XPR1: variants seen among roughly 807,000 people sequenced by gnomAD.
XPR1 encodes xenotropic and polytropic retrovirus receptor 1.
Under a neutral mutation model 87.5 loss-of-function variants are expected in XPR1, and 28 were observed. The ratio of observed to expected loss-of-function variants is 0.32; its 90% CI spans 0.24 to 0.44. The LOEUF (loss-of-function observed/expected upper bound fraction) is 0.44, where lower values mean the gene tolerates loss of function less well. XPR1 is among the 20% of genes least tolerant of loss of function. The pLI, the probability that XPR1 is intolerant of heterozygous loss-of-function variation, is 1.00. For missense variants in XPR1, 559 were observed against 862.3 expected, an observed-to-expected ratio of 0.65 and a Z score of 4.41; for synonymous variants, 300 against 306.1, an observed-to-expected ratio of 0.98 and a Z score of 0.21.
chr1:180,813,146 T>TA (rs1308480700), intron 7 of XPR1, among the ~76,000 whole-genome samples: 4 of 151,956 alleles, frequency 2.6e-5, no homozygotes, highest in Middle Eastern at 3.2e-3. Context: ...TGCAAGAACT[T>TA]ACAGGATCTC....
At chr1:180,742,092 T>G (rs1169628356) in intron 2 of XPR1, among the ~76,000 whole-genome samples, 1 of 152,140 alleles carries the variant, frequency 6.6e-6, no homozygotes, top group East Asian at 1.9e-4. Flanking sequence ...TATATTACTC[T>G]TTCTAAAGAG....
At chr1:180,783,436 A>G (rs1571833978) in intron 2 of XPR1, among the ~76,000 whole-genome samples, 2 of 152,088 alleles carry the variant, frequency 1.3e-5, no homozygotes, top group East Asian at 1.9e-4. Flanking sequence ...GGTTCAAACA[A>G]TTTAATAAGT....
At chr1:180,757,049 T>C (rs1647777573) in intron 2 of XPR1, among the ~76,000 whole-genome samples, 2 of 152,236 alleles carry the variant, frequency 1.3e-5, no homozygotes, top group Admixed American at 6.5e-5. Context: ...TATCATGATA[T>C]TATAGCTTTA....
intron 2 of XPR1, among the ~76,000 whole-genome samples, chr1:180,737,871 T>A (rs1167285154): frequency 6.6e-6 from 1 of 152,208 alleles, no homozygotes; most frequent in Non-Finnish European, 1.5e-5. Flanking sequence ...GTGGGTTGTT[T>A]CCAGTTTTTG....
chr1:180,645,690 C>T (rs1369321067), intron 1 of XPR1, among the ~76,000 whole-genome samples: 1 of 152,208 alleles, frequency 6.6e-6, no homozygotes, highest in Non-Finnish European at 1.5e-5. Flanking sequence ...CCTCACAGAG[C>T]TGTGCAAACA....
rs548175050 is a variant in XPR1, at chr1:180,632,163, G to C, written c.-39G>C. 3.8e-6 allele frequency: 6 copies of C among 1,587,922 alleles called. No individual in the cohort carries two copies. The Admixed American group carries it at 1.1e-4, about 28-fold the overall frequency. ...GTCGCTGTTGCCGCCGCCGCCTGTAGCTGCTGGACCCGAGTGGGAGTGAGG... is the reference window on the plus strand; with the variant it reads ...GTCGCTGTTGCCGCCGCCGCCTGTACCTGCTGGACCCGAGTGGGAGTGAGG... On this transcript the variant is annotated 5_prime_UTR_variant, in exon 1 of 15. Coordinates refer to ENST00000367590, the MANE Select transcript of XPR1 (RefSeq NM_004736.4).
intron 9 of XPR1, among the ~76,000 whole-genome samples, chr1:180,831,188 A>G (rs940921253): frequency 1.3e-5 from 2 of 152,122 alleles, no homozygotes; most frequent in Admixed American, 6.6e-5. Context: ...CTGTAAGCAA[A>G]GAAGAGTTTT....
intron 2 of XPR1, among the ~76,000 whole-genome samples, chr1:180,758,146 C>CACACACACACACACACACACACAG: frequency 6.6e-6 from 1 of 150,862 alleles, no homozygotes; most frequent in Non-Finnish European, 1.5e-5. Flanking sequence ...CACACACACA[C>CACACACACACACACACACACACAG]ATTATTCAGC....
intron 9 of XPR1, among the ~76,000 whole-genome samples, chr1:180,826,709 T>C (rs2102154630): frequency 6.6e-6 from 1 of 152,346 alleles, no homozygotes; most frequent in South Asian, 2.1e-4. Context: ...TTCTCACCTC[T>C]TTTTCACTTT....
chr1:180,676,921 TGTG>T (rs1253089343), intron 1 of XPR1, among the ~76,000 whole-genome samples: 3 of 152,176 alleles, frequency 2.0e-5, no homozygotes, highest in Admixed American at 2.0e-4. Context: ...TAATCTGTGG[TGTG>T]GTGTTTTTTG....
intron 2 of XPR1, among the ~76,000 whole-genome samples, chr1:180,779,291 T>C (rs978619058): frequency 1.1e-4 from 17 of 151,434 alleles, no homozygotes; most frequent in African/African-American, 4.1e-4. Flanking sequence ...GATTTCTTTC[T>C]GTCTCAGTCA....
intron 2 of XPR1, among the ~76,000 whole-genome samples, chr1:180,707,035 T>C (rs1013105417): frequency 2.0e-5 from 3 of 152,176 alleles, no homozygotes; most frequent in African/African-American, 7.2e-5. Context: ...TGTAGAAATA[T>C]GTATTTTAAA....
In XPR1 at chr1:180,637,344, A is replaced by G. The variant is rs1432507377; in HGVS notation, c.69+5074A>G. ...AGTTTTAGCCAAATCAACCGCTAGGAAATAGACATGTCTTAAAAAGACTCC... is the reference window on the plus strand; with the variant it reads ...AGTTTTAGCCAAATCAACCGCTAGGGAATAGACATGTCTTAAAAAGACTCC... On this transcript the variant is annotated intron_variant, in intron 1 of 14. Transcript: ENST00000367590. Among the ~76,000 whole-genome samples, 3 of 152,188 alleles carry G rather than the reference A, an allele frequency of 2.0e-5. No individual in the cohort carries two copies. In the East Asian group the frequency reaches 5.8e-4, roughly 29 times the overall value.
At chr1:180,714,312 G>C (rs940289304) in intron 2 of XPR1, among the ~76,000 whole-genome samples, 4 of 145,546 alleles carry the variant, frequency 2.7e-5, no homozygotes, top group Admixed American at 7.0e-5. Flanking sequence ...TACTGTCTTA[G>C]TCATTTCCTT....
chr1:180,862,605 TATCA>T (rs1053207380), intron 11 of XPR1, among the ~76,000 whole-genome samples: 2 of 152,130 alleles, frequency 1.3e-5, no homozygotes, highest in Non-Finnish European at 2.9e-5. Flanking sequence ...AGCTCAAATT[TATCA>T]ATTTATAATG....
chr1:180,800,431 G>A (rs1475383325), intron 3 of XPR1, among the ~76,000 whole-genome samples: 1 of 152,220 alleles, frequency 6.6e-6, no homozygotes, highest in African/African-American at 2.4e-5. Context: ...ACAGATGAGA[G>A]CCAGCAAGGA....
intron 7 of XPR1, among the ~76,000 whole-genome samples, chr1:180,818,744 A>G (rs906850980): frequency 6.6e-6 from 1 of 152,102 alleles, no homozygotes; most frequent in Non-Finnish European, 1.5e-5. Context: ...GGAATTTTTT[A>G]TGATGATCTT....
At chr1:180,651,280 C>T (rs530432121) in intron 1 of XPR1, among the ~76,000 whole-genome samples, 25 of 152,086 alleles carry the variant, frequency 1.6e-4, no homozygotes, top group Non-Finnish European at 5.9e-5. Context: ...TTAGTAGAGG[C>T]GGGGTTTCAC....
chr1:180,745,577 TG>T (rs1469170517), intron 2 of XPR1, among the ~76,000 whole-genome samples: 1 of 152,146 alleles, frequency 6.6e-6, no homozygotes, highest in Admixed American at 6.5e-5. Context: ...TGCAAGAGAA[TG>T]GATAAAAGAA....
Sources: gnomAD v4.1 joint callset for allele counts (sites outside exome capture counted in the v4.1 genomes callset) on GRCh38, gnomAD v4.1.1 for gene constraint, MANE v1.5 for transcripts, NCBI Gene and HGNC (gene_info 2026-07-23, HGNC 2026-07-21) for gene names.